MAP1S: variants seen among roughly 807,000 people sequenced by gnomAD.
MAP1S encodes the protein microtubule associated protein 1S.
A neutral mutation model predicts 60.9 loss-of-function variants in MAP1S; 27 were observed. The ratio of observed to expected loss-of-function variants is 0.44; its 90% CI spans 0.33 to 0.61. The LOEUF (loss-of-function observed/expected upper bound fraction) is 0.61. Among genes scored for constraint, MAP1S ranks in the 20% least tolerant of loss-of-function variants. The pLI, the probability that MAP1S is intolerant of heterozygous loss-of-function variation, is 0.03. For synonymous variants in MAP1S, 826 were observed against 694.2 expected (o/e 1.19, Z -2.98); for missense variants, 1,608 against 1,486.6 (o/e 1.08, Z -1.34).
In MAP1S at chr19:17,724,108, G is replaced by A. The variant is rs368379538; in HGVS notation, c.221-18G>A. ...GGGAGGCAGGATTTGACTCCGGGAC[G>A]GCCTGATTCCCCCACAGGCCAGCGG... is the stretch of plus-strand genomic sequence containing the variant. On this transcript the variant is annotated intron_variant, in intron 2 of 6. Transcript: ENST00000324096. The A allele has an allele frequency of 2.9e-5, 46 of 1,608,974 alleles. No individual in the cohort carries two copies. The highest frequency in any genetic ancestry group is 3.5e-5 in the Non-Finnish European group (41 of 1,176,170).
intron 1 of MAP1S, chr19:17,720,589 C>T (rs1173807156): frequency 3.8e-6 from 5 of 1,315,938 alleles, no homozygotes; most frequent in Non-Finnish European, 4.0e-6. Context: ...CCAGTAGGAA[C>T]AGGTGGGGGC....
chr19:17,721,045 T>A lies in MAP1S; in HGVS notation c.220+8T>A. On this transcript the variant is annotated splice_region_variant and intron_variant, in intron 2 of 6. Coordinates refer to ENST00000324096, the MANE Select transcript of MAP1S (RefSeq NM_018174.6). ...TCTCCAGCATTGTGAAAGGTGAGGC[T>A]GGGGTCCCCCTGACTGCTCCCTACC... The A allele has an allele frequency of 6.2e-7, 1 of 1,612,396 alleles. No homozygotes were observed. Among genetic ancestry groups the A allele is most frequent in the Admixed American group, 1.7e-5 (1 of 59,994 alleles).
chr19:17,727,213 G>A lies in MAP1S; in HGVS notation c.1829G>A (p.Ser610Asn). The change falls in exon 5 of 7, where the codon AGC (serine) becomes AAC (asparagine). Residue 610 changes from serine to asparagine, a missense_variant. Transcript: ENST00000324096. The surrounding 1 kb of genome is among the most constrained non-coding windows in gnomAD (Gnocchi z 4.1). Reference sequence around the variant, plus strand: ...GCCTCCCAGCTGGTGGCCACGCCCAGCCTGGAGCTGGGGCCGATCCCAGCC... The same window carrying A: ...GCCTCCCAGCTGGTGGCCACGCCCAACCTGGAGCTGGGGCCGATCCCAGCC... ...SPASQLVATP[S>N]LELGPIPAGE... 6.4e-7 allele frequency: 1 copy of A among 1,569,212 alleles called. No homozygotes were observed.
In MAP1S at chr19:17,726,125, T is replaced by C. The variant is rs2145974681; in HGVS notation, c.741T>C (p.Pro247=). The C allele has an allele frequency of 6.2e-7, 1 of 1,613,956 alleles. No individual in the cohort carries two copies. Among genetic ancestry groups the C allele is most frequent in the South Asian group, 1.1e-5 (1 of 91,070 alleles). Residue 247 remains proline (P), a synonymous_variant, in exon 5 of 7, where the codon CCT becomes CCC. Transcript: ENST00000324096. ...GCCGGCCCTGCTGCTACATCTTCCC[T>C]GGAGGCCTCGGGGATGCCGCCTTCT... ...RLGRPCCYIF[P]GGLGDAAFFA...
rs757253194 is a variant in MAP1S, at chr19:17,727,057, C to G, written c.1673C>G (p.Ala558Gly). Residue 558 changes from alanine to glycine, a missense_variant, in exon 5 of 7, where the codon GCG (alanine) becomes GGG (glycine). This residue lies in a region of MAP1S where 1,167 missense variants were observed against 961.4 expected (regional missense o/e 1.21). Transcript: ENST00000324096. The surrounding 1 kb of genome is among the most constrained non-coding windows in gnomAD (Gnocchi z 4.1). ...AACCTCAAGAAGACGAATGCCCAGG[C>G]GGCACCCAAGCCCCGCAAAGCGCCC... Reference protein sequence around the residue: ...VPNLKKTNAQAAPKPRKAPST... With the variant: ...VPNLKKTNAQGAPKPRKAPST... The G allele has an allele frequency of 6.2e-7, 1 of 1,605,380 alleles. No individual in the cohort carries two copies. The highest frequency in any genetic ancestry group is 1.3e-5 in the African/African-American group (1 of 74,808).
At position 17,727,742 on chromosome 19, in the gene MAP1S, G is replaced by A. The variant is rs1267541083; in HGVS notation, c.2358G>A (p.Ser786=). ...GGGCCGAGGAGACGCCACCCACATCGGTCAGCGAGTCCCTGCCCACCCTGT... is the reference window on the plus strand; with the variant it reads ...GGGCCGAGGAGACGCCACCCACATCAGTCAGCGAGTCCCTGCCCACCCTGT... ...GLGAEETPPT[S]VSESLPTLSD... is the part of the protein sequence containing the mutation. The change falls in exon 5 of 7, where the codon TCG becomes TCA. Residue 786 remains serine (S), a synonymous_variant. Transcript: ENST00000324096. This position sits in a 1 kb window ranked among gnomAD's most constrained non-coding sequence, Gnocchi z 4.1. 2 of 1,605,996 alleles carry A rather than the reference G, an allele frequency of 1.2e-6. No individual in the cohort carries two copies. The highest frequency in any genetic ancestry group is 1.3e-5 in the African/African-American group (1 of 74,658).
chr19:17,724,825 A>G (rs2080402543), intron 3 of MAP1S, among the ~76,000 whole-genome samples: 1 of 152,064 alleles, frequency 6.6e-6, no homozygotes, highest in Non-Finnish European at 1.5e-5. Context: ...GGAGGAAGGG[A>G]CATCAGAGCT....
chr19:17,719,674 T>G, intron 1 of MAP1S, 54 bp downstream of exon 1: 8 of 1,008,358 alleles, frequency 7.9e-6, no homozygotes, highest in African/African-American at 1.8e-5. Context: ...CGTTCGCGCG[T>G]CTGGGCCCGG....
At chr19:17,734,060 G>A (rs1466137663) in intron 6 of MAP1S, among the ~76,000 whole-genome samples, 2 of 152,340 alleles carry the variant, frequency 1.3e-5, no homozygotes, top group East Asian at 3.9e-4. Context: ...TGCTGAGAAG[G>A]CTCTTTGGGT....
At position 17,726,629 on chromosome 19, in the gene MAP1S, G is replaced by T; in HGVS notation, c.1245G>T (p.Leu415=). 6.4e-7 allele frequency: 1 copy of T among 1,573,138 alleles called. No individual in the cohort carries two copies. Among genetic ancestry groups the T allele is most frequent in the Non-Finnish European group, 8.6e-7 (1 of 1,163,688 alleles). Residue 415 remains leucine (L), a synonymous_variant, in exon 5 of 7, where the codon CTG becomes CTT. Transcript: ENST00000324096. ...AERTLASVCA[L]LVWHPAGPGE... The stretch of plus-strand genomic sequence containing the variant: ...GCACGCTGGCCTCTGTGTGCGCCCT[G>T]CTGGTGTGGCACCCCGCCGGCCCCG...
At position 17,727,108 on chromosome 19, in the gene MAP1S, C is replaced by G. The variant is rs755675598; in HGVS notation, c.1724C>G (p.Pro575Arg). ...APSTSHSGFP[P>R]VANGPRSPPS... ...AGCACGTCCCACTCTGGCTTCCCGC[C>G]GGTGGCAAATGGACCCCGCAGCCCG... Residue 575 changes from proline to arginine, a missense_variant, in exon 5 of 7, where the codon CCG becomes CGG. By Grantham distance (103) the Pro-to-Arg change is moderately radical (BLOSUM62 -2). Coordinates refer to ENST00000324096, the MANE Select transcript of MAP1S (RefSeq NM_018174.6). This position sits in a 1 kb window ranked among gnomAD's most constrained non-coding sequence, Gnocchi z 4.1. 1.5e-5 allele frequency: 24 copies of G among 1,601,006 alleles called. No individual in the cohort carries two copies. The South Asian group carries it at 2.7e-4, about 18-fold the overall frequency.
intron 1 of MAP1S, chr19:17,720,201 A>C: frequency 7.3e-7 from 1 of 1,362,394 alleles, no homozygotes; most frequent in Non-Finnish European, 9.4e-7. Context: ...CACTTGGCTC[A>C]GTGGGACTGG....
chr19:17,726,852 A>G lies in MAP1S; in HGVS notation c.1468A>G (p.Thr490Ala). 6.4e-7 allele frequency: 1 copy of G among 1,554,432 alleles called. No individual in the cohort carries two copies. Among genetic ancestry groups the G allele is most frequent in the Non-Finnish European group, 8.7e-7 (1 of 1,149,568 alleles). Residue 490 changes from threonine to alanine, a missense_variant, in exon 5 of 7, where the codon ACC (threonine) becomes GCC (alanine). Physicochemically the swap from Thr to Ala is moderately conservative, Grantham distance 58. This residue lies in a region of MAP1S where 1,167 missense variants were observed against 961.4 expected (regional missense o/e 1.21). Coordinates refer to ENST00000324096, the MANE Select transcript of MAP1S (RefSeq NM_018174.6). ...CTCGAAGAGAGAGGGCCTCCTGGCCACCCACCCTAGACCTGGCCAGGAGCG... is the reference window on the plus strand; with the variant it reads ...CTCGAAGAGAGAGGGCCTCCTGGCCGCCCACCCTAGACCTGGCCAGGAGCG... ...DSSKREGLLA[T>A]HPRPGQERPG...
At chr19:17,733,514 G>A (rs2080512117) in intron 6 of MAP1S, 86 bp downstream of exon 6, 3 of 1,198,470 alleles carry the variant, frequency 2.5e-6, no homozygotes, top group Non-Finnish European at 3.4e-6. Flanking sequence ...ACTAAGCTGT[G>A]TTCCCCAGGC....
chr19:17,731,465 T>C (rs1394444802), intron 5 of MAP1S, among the ~76,000 whole-genome samples: 2 of 152,236 alleles, frequency 1.3e-5, no homozygotes, highest in Non-Finnish European at 2.9e-5. Context: ...TTGGTCTATA[T>C]GTCTGTCTTT....
intron 2 of MAP1S, 80 bp downstream of exon 2, chr19:17,721,117 G>A: frequency 9.2e-7 from 1 of 1,085,360 alleles, no homozygotes; most frequent in Non-Finnish European, 1.4e-6. Context: ...CATGGGGGGT[G>A]GGATGCAGCT....
At chr19:17,729,235 G>A (rs1384925967) in intron 5 of MAP1S, among the ~76,000 whole-genome samples, 1 of 152,150 alleles carries the variant, frequency 6.6e-6, no homozygotes, top group Non-Finnish European at 1.5e-5. Flanking sequence ...GTAGCAAGTT[G>A]TAACAGTGTG....
chr19:17,720,686 A>AG (rs1452253335), intron 1 of MAP1S: 1 of 640,624 alleles, frequency 1.6e-6, no homozygotes, highest in African/African-American at 1.8e-5. Context: ...AGGAGCAGCG[A>AG]GGAGGTGGAG....
At position 17,733,272 on chromosome 19, in the gene MAP1S, C is replaced by T. The variant is rs770465155; in HGVS notation, c.2868C>T (p.Ser956=). ...PVYLDLAYLP[S]GSSAHLVDEE... is the part of the protein sequence containing the mutation. ...ACCTGGACCTGGCCTACCTGCCCAG[C>T]GGGAGCAGCGCCCACCTGGTGGATG... The change falls in exon 6 of 7, where the codon AGC becomes AGT. Residue 956 remains serine, a synonymous_variant. Coordinates refer to ENST00000324096, the MANE Select transcript of MAP1S (RefSeq NM_018174.6). 10 of 1,566,550 alleles carry T rather than the reference C, an allele frequency of 6.4e-6. No homozygotes were observed. The East Asian group carries it at 7.1e-5, about 11-fold the overall frequency.
Sources: allele counts gnomAD v4.1 joint callset (sites outside exome capture counted in the v4.1 genomes callset), GRCh38; gene constraint gnomAD v4.1.1; regional missense constraint gnomAD v4.1.1; non-coding constraint Gnocchi (gnomAD v3.1); transcripts MANE v1.5; gene names NCBI Gene and HGNC (gene_info 2026-07-23, HGNC 2026-07-21).